Variants in CA10 observed in about 807,000 individuals in gnomAD.
CA10 encodes the protein carbonic anhydrase-related protein 10.
CA10 carries 14 observed loss-of-function variants against 44.2 expected under a neutral mutation model. The observed-to-expected ratio is 0.32, with a 90% confidence interval of 0.21 to 0.50. CA10 has a LOEUF of 0.50. Ranked by LOEUF, CA10 falls within the 20% of genes least tolerant of loss-of-function variation. The pLI, the probability that CA10 is intolerant of heterozygous loss-of-function variation, is 0.99. For missense variants in CA10, 350 were observed against 409.7 expected (o/e 0.85, Z 1.26); for synonymous variants, 159 against 141.6 (o/e 1.12, Z -0.87).
chr17:51,678,231 C>T (rs1003301016), intron 4 of CA10, among the ~76,000 whole-genome samples: 1 of 152,096 alleles, frequency 6.6e-6, no homozygotes, highest in African/African-American at 2.4e-5. Flanking sequence ...ATGGGAGTGA[C>T]TTTAATAGAT....
At chr17:52,069,820 G>T (rs1464198727) in intron 2 of CA10, among the ~76,000 whole-genome samples, 2 of 152,070 alleles carry the variant, frequency 1.3e-5, no homozygotes, top group African/African-American at 2.4e-5. Context: ...CAACTGTTAT[G>T]CCAACTGACT....
At chr17:51,839,547 G>T (rs769799262) in intron 3 of CA10, among the ~76,000 whole-genome samples, 12 of 115,520 alleles carry the variant, frequency 1.0e-4, no homozygotes, top group Non-Finnish European at 2.0e-4. Flanking sequence ...CTTTGTAGAA[G>T]AGGCAGTTAA....
chr17:51,797,461 AC>A (rs1174641775), intron 3 of CA10, among the ~76,000 whole-genome samples: 2 of 152,072 alleles, frequency 1.3e-5, no homozygotes. Flanking sequence ...ATGCCTACTG[AC>A]CATCTTGGGG....
chr17:51,773,648 G>C (rs1375152963), intron 3 of CA10, among the ~76,000 whole-genome samples: 2 of 152,246 alleles, frequency 1.3e-5, no homozygotes, highest in African/African-American at 4.8e-5. Flanking sequence ...GTGAAATAAA[G>C]ATGAGAATAC....
chr17:51,875,108 G>A lies in CA10; in HGVS notation c.279+55882C>T, dbSNP rs1011613568. Among the ~76,000 whole-genome samples, 4 of 151,842 alleles carry A rather than the reference G, an allele frequency of 2.6e-5. No homozygotes were observed. The East Asian group carries it at 7.7e-4, about 29-fold the overall frequency. The stretch of plus-strand genomic sequence containing the variant: ...CCCACCTCAACCTCCCAAGTAGCTG[G>A]GACTACAGGTGTAAGACACCACCCC... On this transcript the variant is annotated intron_variant, in intron 3 of 8. Transcript: ENST00000451037.
chr17:52,067,167 T>C (rs148041692), intron 2 of CA10, among the ~76,000 whole-genome samples: 5 of 152,348 alleles, frequency 3.3e-5, no homozygotes, highest in Non-Finnish European at 7.3e-5. Context: ...TCCCATCACA[T>C]GCCCAGAGGC....
chr17:52,027,198 G>A (rs1017720503), intron 2 of CA10, among the ~76,000 whole-genome samples: 1 of 152,050 alleles, frequency 6.6e-6, no homozygotes, highest in African/African-American at 2.4e-5. Flanking sequence ...GACCTCCTGT[G>A]AGAATCTAAT....
At chr17:51,868,383 C>T (rs1979646049) in intron 3 of CA10, among the ~76,000 whole-genome samples, 1 of 152,142 alleles carries the variant, frequency 6.6e-6, no homozygotes. Context: ...TGACCTATTG[C>T]TTAGAAGGTG....
intron 1 of CA10, among the ~76,000 whole-genome samples, chr17:52,111,638 G>A (rs1455869037): frequency 2.0e-5 from 3 of 152,178 alleles, no homozygotes; most frequent in Non-Finnish European, 4.4e-5. Context: ...AAATCCCCAG[G>A]CACTCAGGGA....
intron 3 of CA10, among the ~76,000 whole-genome samples, chr17:51,773,468 C>T (rs1905691548): frequency 6.6e-6 from 1 of 152,214 alleles, no homozygotes; most frequent in Non-Finnish European, 1.5e-5. Context: ...AAGACACCCT[C>T]AGAGCCTGGT....
chr17:51,855,096 C>T (rs1017425857), intron 3 of CA10, among the ~76,000 whole-genome samples: 5 of 152,176 alleles, frequency 3.3e-5, no homozygotes, highest in South Asian at 2.1e-4. Flanking sequence ...TAAATCACCC[C>T]GGGTGTGCCT....
In CA10 at chr17:52,050,689, C is replaced by T. The variant is rs1446340439; in HGVS notation, c.136+21630G>A. On this transcript the variant is annotated intron_variant, in intron 2 of 8. Transcript: ENST00000451037. Reference sequence around the variant, plus strand: ...ACTTCAAGGACTTCCAAGGTTTGTGCTCCACCTTGTTGCAACTTTCTAAAC... The same window carrying T: ...ACTTCAAGGACTTCCAAGGTTTGTGTTCCACCTTGTTGCAACTTTCTAAAC... Among the ~76,000 whole-genome samples the T allele has an allele frequency of 3.9e-5, 6 of 152,192 alleles. No individual in the cohort carries two copies. The East Asian group carries it at 1.2e-3, about 30-fold the overall frequency.
chr17:51,807,732 A>G (rs1467737535), intron 3 of CA10, among the ~76,000 whole-genome samples: 1 of 152,276 alleles, frequency 6.6e-6, no homozygotes, highest in Non-Finnish European at 1.5e-5. Context: ...ATCTTAACAG[A>G]TACAATGATG....
chr17:51,863,094 T>G (rs1165148700), intron 3 of CA10, among the ~76,000 whole-genome samples: 4 of 152,192 alleles, frequency 2.6e-5, no homozygotes, highest in African/African-American at 9.7e-5. Context: ...TTTACTTCAC[T>G]GGAAAATATG....
chr17:52,158,879 C>A (rs371481058), upstream of CA10, among the ~76,000 whole-genome samples: 1 of 152,138 alleles, frequency 6.6e-6, no homozygotes. Flanking sequence ...AGCCCGGCAC[C>A]CGGGGGCGGA....
chr17:52,058,839 A>G (rs1242257979), intron 2 of CA10, among the ~76,000 whole-genome samples: 1 of 152,092 alleles, frequency 6.6e-6, no homozygotes, highest in Non-Finnish European at 1.5e-5. Context: ...CACATGCCTT[A>G]TTAGGCTAAA....
Position 51,783,944 on chromosome 17 carries a change from T to C in CA10, c.280-36126A>G, listed in dbSNP as rs146445960. Among the ~76,000 whole-genome samples, 91 of 152,184 alleles carry C rather than the reference T, an allele frequency of 6.0e-4. No homozygotes were observed. In the Middle Eastern group the frequency reaches 0.01, roughly 17 times the overall value. ...GGAGAGCTGGCCTGCTCTCCATCTT[T>C]AGAATCTGCCTACTGGGCTCCTTGA... On this transcript the variant is annotated intron_variant, in intron 3 of 8. Coordinates refer to ENST00000451037, the MANE Select transcript of CA10 (RefSeq NM_020178.5).
chr17:51,823,244 C>A (rs866659906), intron 3 of CA10, among the ~76,000 whole-genome samples: 1 of 152,166 alleles, frequency 6.6e-6, no homozygotes, highest in African/African-American at 2.4e-5. Context: ...CACATCAGAA[C>A]CTCAGCAAAG....
chr17:52,094,708 C>A (rs1988360255), intron 1 of CA10, among the ~76,000 whole-genome samples: 1 of 152,034 alleles, frequency 6.6e-6, no homozygotes, highest in African/African-American at 2.4e-5. Flanking sequence ...TCCAAATGGG[C>A]AGTAAGCATA....
Sources: gnomAD v4.1 joint callset for allele counts (sites outside exome capture counted in the v4.1 genomes callset) on GRCh38, gnomAD v4.1.1 for gene constraint, MANE v1.5 for transcripts, NCBI Gene and HGNC (gene_info 2026-07-23, HGNC 2026-07-21) for gene names.